ADAMTSL1: variants seen among roughly 807,000 people sequenced by gnomAD.
ADAMTSL1 encodes the protein ADAMTS like 1.
A neutral mutation model predicts 201.8 loss-of-function variants in ADAMTSL1; 126 were observed. That is an observed-to-expected ratio of 0.62 (90% CI 0.54 to 0.72). ADAMTSL1 has a LOEUF of 0.72. ADAMTSL1 is among the 30% of genes least tolerant of loss of function. ADAMTSL1 has a pLI of 0.00. For missense variants in ADAMTSL1, 2,679 were observed against 2,277.8 expected (o/e 1.18, Z -3.59); for synonymous variants, 1,121 against 903.4 (o/e 1.24, Z -4.32).
intron 2 of ADAMTSL1, among the ~76,000 whole-genome samples, chr9:18,240,577 C>T (rs6475206): frequency 0.99 from 151,226 of 152,294 alleles, 75,095 homozygotes; most frequent in Middle Eastern, 1. Flanking sequence ...GACTGTCCTT[C>T]GAAGCAAAGA....
At chr9:18,717,436 T>C (rs575995) in intron 14 of ADAMTSL1, among the ~76,000 whole-genome samples, 38,347 of 151,938 alleles carry the variant, frequency 0.25, 5,474 homozygotes, top group Non-Finnish European at 0.32. Context: ...TTTTAAAAAC[T>C]ATATAGCTGT....
chr9:18,549,129 T>C (rs1820643945), intron 3 of ADAMTSL1, among the ~76,000 whole-genome samples: 1 of 151,882 alleles, frequency 6.6e-6, no homozygotes, highest in African/African-American at 2.4e-5. Flanking sequence ...ATGAAAGTGC[T>C]GAACAGGAAA....
chr9:18,816,347 A>G (rs1230806263), intron 20 of ADAMTSL1, among the ~76,000 whole-genome samples: 1 of 152,026 alleles, frequency 6.6e-6, no homozygotes, highest in African/African-American at 2.4e-5. Context: ...AGTGATTCTC[A>G]TCCCTCAGCC....
intron 1 of ADAMTSL1, among the ~76,000 whole-genome samples, chr9:18,017,971 T>C (rs960995780): frequency 2.6e-5 from 4 of 152,070 alleles, no homozygotes; most frequent in African/African-American, 9.7e-5. Flanking sequence ...AAAACTTGTG[T>C]CTTAATATCA....
At chr9:18,166,986 T>C (rs760037844) in intron 2 of ADAMTSL1, among the ~76,000 whole-genome samples, 1 of 151,978 alleles carries the variant, frequency 6.6e-6, no homozygotes, top group Non-Finnish European at 1.5e-5. Context: ...AGAGGGCTAA[T>C]TTCGTTCTCT....
At chr9:18,465,843 G>A (rs1006107302) in intron 2 of ADAMTSL1, among the ~76,000 whole-genome samples, 6 of 152,138 alleles carry the variant, frequency 3.9e-5, no homozygotes, top group Admixed American at 6.5e-5. Context: ...CCGCCTCCTG[G>A]GTTCAAGCAA....
intron 9 of ADAMTSL1, among the ~76,000 whole-genome samples, chr9:18,673,420 G>T (rs1268002354): frequency 6.6e-6 from 1 of 152,214 alleles, no homozygotes; most frequent in African/African-American, 2.4e-5. Flanking sequence ...GTTTTCACAG[G>T]TGCTACAGAG....
At chr9:18,823,591 C>G (rs769005684) in intron 21 of ADAMTSL1, among the ~76,000 whole-genome samples, 3 of 152,190 alleles carry the variant, frequency 2.0e-5, no homozygotes, top group Non-Finnish European at 4.4e-5. Context: ...TTTCTCTCCC[C>G]CTGAGTCTTT....
At chr9:17,951,840 C>T (rs1265225377) in intron 1 of ADAMTSL1, among the ~76,000 whole-genome samples, 2 of 151,918 alleles carry the variant, frequency 1.3e-5, no homozygotes, top group Non-Finnish European at 2.9e-5. Context: ...TTTTTAGAGA[C>T]AGGGTGTCAC....
intron 2 of ADAMTSL1, among the ~76,000 whole-genome samples, chr9:18,428,526 G>A (rs761285084): frequency 2.0e-5 from 3 of 152,122 alleles, no homozygotes; most frequent in Admixed American, 6.5e-5. Context: ...AGGCTGAGAT[G>A]GGAGAATTGT....
chr9:18,404,940 T>C (rs1317079687), intron 2 of ADAMTSL1, among the ~76,000 whole-genome samples: 1 of 152,168 alleles, frequency 6.6e-6, no homozygotes, highest in Non-Finnish European at 1.5e-5. Context: ...TCTCTCTCTG[T>C]CTCTCCCTTT....
intron 2 of ADAMTSL1, among the ~76,000 whole-genome samples, chr9:18,183,619 C>T (rs956221545): frequency 1.3e-5 from 2 of 152,158 alleles, no homozygotes; most frequent in Non-Finnish European, 2.9e-5. Context: ...TAAAAATATG[C>T]TATACATCGT....
intron 10 of ADAMTSL1, 107 bp downstream of exon 10, chr9:18,676,014 T>C: frequency 9.0e-7 from 1 of 1,108,862 alleles, no homozygotes; most frequent in Non-Finnish European, 1.3e-6. Context: ...TTATATGTTT[T>C]TAAGATGGTA....
chr9:18,440,549 G>C (rs1267380327), intron 2 of ADAMTSL1, among the ~76,000 whole-genome samples: 1 of 150,750 alleles, frequency 6.6e-6, no homozygotes, highest in Admixed American at 6.6e-5. Context: ...AAATTTTTAG[G>C]TAAATAAAAA....
At chr9:17,982,845 T>C (rs909892812) in intron 1 of ADAMTSL1, among the ~76,000 whole-genome samples, 4 of 152,012 alleles carry the variant, frequency 2.6e-5, no homozygotes, top group African/African-American at 9.7e-5. Flanking sequence ...TTATTATCAC[T>C]TATCACCAAG....
At chr9:18,760,282 C>T (rs1379088154) in intron 16 of ADAMTSL1, among the ~76,000 whole-genome samples, 2 of 152,054 alleles carry the variant, frequency 1.3e-5, no homozygotes, top group African/African-American at 4.8e-5. Flanking sequence ...CTTTCTAATC[C>T]CTCTCCTTAC....
intron 2 of ADAMTSL1, among the ~76,000 whole-genome samples, chr9:18,435,065 G>A (rs1040801194): frequency 1.3e-5 from 2 of 152,178 alleles, no homozygotes; most frequent in African/African-American, 4.8e-5. Context: ...GTCAAAGAGG[G>A]AGTTGAGATG....
intron 2 of ADAMTSL1, among the ~76,000 whole-genome samples, chr9:18,419,875 G>A (rs147122888): frequency 2.2e-4 from 34 of 151,842 alleles, no homozygotes; most frequent in Middle Eastern, 3.4e-3. Flanking sequence ...GACTACAGGC[G>A]CACGCCACTA....
At chr9:18,748,540 C>T (rs941317080) in intron 15 of ADAMTSL1, among the ~76,000 whole-genome samples, 4 of 152,124 alleles carry the variant, frequency 2.6e-5, no homozygotes, top group Non-Finnish European at 5.9e-5. Flanking sequence ...CAGTTTGTCA[C>T]GAAAAGAGTT....
Sources: gnomAD v4.1 joint callset for allele counts (sites outside exome capture counted in the v4.1 genomes callset) on GRCh38, gnomAD v4.1.1 for gene constraint, MANE v1.5 for transcripts, NCBI Gene and HGNC (gene_info 2026-07-23, HGNC 2026-07-21) for gene names.